Variants in ACSS3 observed in about 807,000 individuals in gnomAD.
ACSS3 encodes the protein acyl-CoA synthetase short-chain family member 3, mitochondrial.
In ACSS3, 64 loss-of-function variants were observed where a neutral mutation model predicts 84.2. That is an observed-to-expected ratio of 0.76 (90% CI 0.62 to 0.94). The LOEUF (loss-of-function observed/expected upper bound fraction) is 0.94, where lower values mean the gene tolerates loss of function less well. Ranked by LOEUF, ACSS3 falls within the 40% of genes least tolerant of loss-of-function variation. The probability of loss-of-function intolerance (pLI) is 0.00; values close to 1 mark genes in which losing one functional copy is unlikely to be tolerated. For synonymous variants in ACSS3, 317 were observed against 310.1 expected (o/e 1.02, Z -0.23); for missense variants, 815 against 867.6 (o/e 0.94, Z 0.76).
chr12:81,080,524 C>A (rs1880902448), intron 1 of ACSS3, among the ~76,000 whole-genome samples: 1 of 151,912 alleles, frequency 6.6e-6, no homozygotes, highest in Admixed American at 6.6e-5. Context: ...AAAACTTTGA[C>A]TCTATTTATT....
At chr12:81,181,365 C>T (rs1044772335) in intron 8 of ACSS3, among the ~76,000 whole-genome samples, 2 of 152,134 alleles carry the variant, frequency 1.3e-5, no homozygotes, top group African/African-American at 2.4e-5. Flanking sequence ...CCAACCGATG[C>T]CCTCCAGCCT....
intron 9 of ACSS3, among the ~76,000 whole-genome samples, chr12:81,202,201 C>G (rs1241177800): frequency 2.6e-5 from 4 of 151,900 alleles, no homozygotes. Context: ...ATGGCATGAA[C>G]CTGGGAAGTG....
At chr12:81,155,469 T>C (rs1296019130) in intron 7 of ACSS3, among the ~76,000 whole-genome samples, 1 of 152,216 alleles carries the variant, frequency 6.6e-6, no homozygotes, top group African/African-American at 2.4e-5. Flanking sequence ...TGACATGAAC[T>C]GAGTTCTGTA....
rs2035036764 is a variant in ACSS3, at chr12:81,260,439, G to A, written c.*5517G>A. ...AAATAGTCATTTGTAAATTAGTGAAGTGTTCATTTCCTGAAGAAATTATAA... is the reference window on the plus strand; with the variant it reads ...AAATAGTCATTTGTAAATTAGTGAAATGTTCATTTCCTGAAGAAATTATAA... On this transcript the variant is annotated 3_prime_UTR_variant, in exon 16 of 16. Coordinates refer to ENST00000548058, the MANE Select transcript of ACSS3 (RefSeq NM_024560.4). The A allele has an allele frequency of 6.6e-6, 1 of 152,166 alleles. No homozygotes were observed. The highest frequency in any genetic ancestry group is 1.5e-5 in the Non-Finnish European group (1 of 68,038). 9.4% of individuals were successfully genotyped at this position (152,166 alleles called of 1,614,324 possible).
At chr12:81,170,133 A>T (rs543805567) in intron 7 of ACSS3, among the ~76,000 whole-genome samples, 1 of 152,128 alleles carries the variant, frequency 6.6e-6, no homozygotes, top group Admixed American at 6.5e-5. Flanking sequence ...AATAAAGCAA[A>T]TTTTTTTGCC....
At chr12:81,253,741 T>C in intron 15 of ACSS3, 71 bp downstream of exon 15, 1 of 1,488,796 alleles carries the variant, frequency 6.7e-7, no homozygotes, top group African/African-American at 1.4e-5. Context: ...TCAGCAAAGC[T>C]CTTAAAAATG....
intron 4 of ACSS3, 106 bp downstream of exon 4, chr12:81,139,371 C>T (rs1052554315): frequency 3.8e-5 from 47 of 1,236,242 alleles, no homozygotes; most frequent in Non-Finnish European, 5.0e-5. Flanking sequence ...ATTAAGTATA[C>T]TGCTGAATGT....
At chr12:81,119,039 C>T (rs1301546842) in intron 2 of ACSS3, among the ~76,000 whole-genome samples, 1 of 152,070 alleles carries the variant, frequency 6.6e-6, no homozygotes, top group East Asian at 1.9e-4. Flanking sequence ...TAAGTGTCGG[C>T]CGATCTGAGA....
intron 4 of ACSS3, among the ~76,000 whole-genome samples, chr12:81,139,784 T>C (rs1006887168): frequency 1.4e-4 from 22 of 151,790 alleles, no homozygotes; most frequent in East Asian, 3.9e-4. Context: ...TACAGGTGCC[T>C]GCCACCACAC....
In ACSS3 at chr12:81,259,070, T is replaced by TC. The variant is rs2034555894; in HGVS notation, c.*4149dup. On this transcript the variant is annotated 3_prime_UTR_variant, in exon 16 of 16. Transcript: ENST00000548058. ...TTTTTGGCTCCGGTTCCAGGTTAAATCATTCTTTTTTACATGATCAGAGGC... is the reference window on the plus strand; with the variant it reads ...TTTTTGGCTCCGGTTCCAGGTTAAATCCATTCTTTTTTACATGATCAGAGGC... 1 of 166,532 alleles carries TC rather than the reference T, an allele frequency of 6.0e-6. No homozygotes were observed. The highest frequency in any genetic ancestry group is 6.3e-5 in the Admixed American group (1 of 15,786). 10.3% of individuals were successfully genotyped at this position (166,532 alleles called of 1,614,324 possible). A position where few individuals can be genotyped will look rare whatever the true frequency, so the allele number is the denominator to read the frequency against.
At chr12:81,098,519 A>T (rs930108746) in intron 1 of ACSS3, among the ~76,000 whole-genome samples, 5 of 152,196 alleles carry the variant, frequency 3.3e-5, no homozygotes, top group Admixed American at 6.5e-5. Flanking sequence ...CATTTCCAAA[A>T]TCCTATTGAT....
chr12:81,087,425 A>C (rs1881389176), intron 1 of ACSS3, among the ~76,000 whole-genome samples: 1 of 152,026 alleles, frequency 6.6e-6, no homozygotes, highest in Admixed American at 6.6e-5. Context: ...AGGAGGAGGA[A>C]GGAGGAAAGA....
chr12:81,234,646 T>C (rs1229136660), intron 13 of ACSS3, among the ~76,000 whole-genome samples: 1 of 151,454 alleles, frequency 6.6e-6, no homozygotes, highest in Non-Finnish European at 1.5e-5. Flanking sequence ...CTGTAATAAC[T>C]AGTGATATTG....
intron 9 of ACSS3, among the ~76,000 whole-genome samples, chr12:81,214,318 G>A (rs11114792): frequency 0.024 from 3,614 of 151,980 alleles, 133 homozygotes; most frequent in East Asian, 0.19. Flanking sequence ...GAGCCACTAC[G>A]CCCAGCCAGC....
intron 13 of ACSS3, among the ~76,000 whole-genome samples, chr12:81,251,876 C>T (rs772270135): frequency 1.3e-5 from 2 of 151,766 alleles, no homozygotes; most frequent in African/African-American, 2.4e-5. Context: ...CATAAAAACC[C>T]GATATTAAAT....
intron 1 of ACSS3, among the ~76,000 whole-genome samples, chr12:81,096,005 A>G (rs186653301): frequency 7.2e-5 from 11 of 152,342 alleles, no homozygotes; most frequent in Non-Finnish European, 4.4e-5. Context: ...CAAGTAAGCA[A>G]TTACCCAATT....
At position 81,255,108 on chromosome 12, in the gene ACSS3, A is replaced by G; in HGVS notation, c.*186A>G. On this transcript the variant is annotated 3_prime_UTR_variant, in exon 16 of 16. Coordinates refer to ENST00000548058, the MANE Select transcript of ACSS3 (RefSeq NM_024560.4). ...AGACCTGTGCCTTTTTTTTGGTTTG[A>G]CCCTGTTAGCATTGTTATTAGTTAT... The G allele has an allele frequency of 1.9e-6, 1 of 539,622 alleles. No individual in the cohort carries two copies. The highest frequency in any genetic ancestry group is 3.2e-6 in the Non-Finnish European group (1 of 316,210). 33.4% of individuals were successfully genotyped at this position (539,622 alleles called of 1,614,324 possible).
intron 2 of ACSS3, among the ~76,000 whole-genome samples, chr12:81,128,268 A>G (rs1885245827): frequency 2.0e-5 from 3 of 152,082 alleles, no homozygotes; most frequent in East Asian, 1.9e-4. Context: ...ACCTCAGTTT[A>G]GGACATACAG....
In ACSS3 at chr12:81,213,702, TCTCCCCTCCG is replaced by T. The variant is rs1213819253; in HGVS notation, c.1355-3165_1355-3156del. Among the ~76,000 whole-genome samples, 21 of 20,866 alleles carry T rather than the reference TCTCCCCTCCG, an allele frequency of 1.0e-3. 1 individual carries two copies. The highest frequency in any genetic ancestry group is 5.1e-3 in the South Asian group (2 of 394). The allele number at this position is 20,866 out of a possible 152,430, so 13.7% of individuals were successfully genotyped here. Reference sequence around the variant, plus strand: ...TCCCCACCCACCTCTGCTGCCCTCCTCTCCCCTCCGCTCCCCTCCGCTCCCCTCCGCTCCC... The same window carrying T: ...TCCCCACCCACCTCTGCTGCCCTCCTCTCCCCTCCGCTCCCCTCCGCTCCC... On this transcript the variant is annotated intron_variant, in intron 9 of 15. Transcript: ENST00000548058.
Sources: allele counts gnomAD v4.1 joint callset (sites outside exome capture counted in the v4.1 genomes callset), GRCh38; gene constraint gnomAD v4.1.1; transcripts MANE v1.5; gene names NCBI Gene and HGNC (gene_info 2026-07-23, HGNC 2026-07-21).